Variants in FRYL observed in about 807,000 individuals in gnomAD.
FRYL encodes protein furry homolog-like.
FRYL carries 150 observed loss-of-function variants against 351.2 expected under a neutral mutation model. The observed-to-expected ratio is 0.43, with a 90% CI of 0.37 to 0.49. The LOEUF is 0.49. Ranked by LOEUF, FRYL falls within the 20% of genes least tolerant of loss-of-function variation. FRYL has a pLI of 0.00. For synonymous variants in FRYL, 1,153 were observed against 1,257.1 expected (o/e 0.92, Z 1.75); for missense variants, 3,036 against 3,619.3 (o/e 0.84, Z 4.13).
At position 48,620,792 on chromosome 4, in the gene FRYL, A is replaced by G; in HGVS notation, c.175-14T>C. ...AGAGCTTATCAACTGAAAACACAAG[A>G]TATTACCAGAAAATAAATTGTAACA... On this transcript the variant is annotated splice_polypyrimidine_tract_variant and intron_variant, in intron 5 of 63. Transcript: ENST00000358350. 2 of 1,603,428 alleles carry G rather than the reference A, an allele frequency of 1.2e-6. No individual in the cohort carries two copies. The highest frequency in any genetic ancestry group is 2.2e-5 in the East Asian group (1 of 44,650).
chr4:48,510,208 G>A, intron 58 of FRYL, 51 bp from the exon 59 acceptor site: 1 of 1,336,054 alleles, frequency 7.5e-7, no homozygotes. Context: ...TTGAAATCAT[G>A]AGACTCACAA....
intron 56 of FRYL, 33 bp downstream of exon 56, chr4:48,514,995 C>T: frequency 1.3e-6 from 2 of 1,579,828 alleles, no homozygotes; most frequent in South Asian, 2.3e-5. Context: ...AGATTATCCC[C>T]TCACTACAGT....
Position 48,578,130 on chromosome 4 carries a change from A to C in FRYL, c.2528+843T>G, listed in dbSNP as rs532893365. 7.2e-5 allele frequency among the ~76,000 whole-genome samples: 11 copies of C among 152,234 alleles called. No individual in the cohort carries two copies. In the South Asian group the frequency reaches 1.9e-3, roughly 26 times the overall value. ...AAAGGTATCCTACGCTCATGTGAAC[A>C]AAAGCTCACAAAATGGAAACTATCA... On this transcript the variant is annotated intron_variant, in intron 23 of 63. Coordinates refer to ENST00000358350, the MANE Select transcript of FRYL (RefSeq NM_015030.2).
At chr4:48,777,145 T>A (rs1233587203) in intron 1 of FRYL, among the ~76,000 whole-genome samples, 6 of 152,234 alleles carry the variant, frequency 3.9e-5, no homozygotes. Flanking sequence ...ACCCTTTAAA[T>A]AAAAGTATAC....
intron 28 of FRYL, among the ~76,000 whole-genome samples, chr4:48,566,853 G>A (rs1736916512): frequency 6.6e-6 from 1 of 152,042 alleles, no homozygotes; most frequent in Non-Finnish European, 1.5e-5. Flanking sequence ...CAGTAACACG[G>A]TATCCTTGTT....
At chr4:48,726,874 G>A (rs1373138937) in intron 1 of FRYL, among the ~76,000 whole-genome samples, 1 of 152,112 alleles carries the variant, frequency 6.6e-6, no homozygotes, top group Non-Finnish European at 1.5e-5. Context: ...ACTGATAATT[G>A]GAGGATTCTT....
rs550206714 is a variant in FRYL, at chr4:48,648,487, A to G, written c.-80-13997T>C. On this transcript the variant is annotated intron_variant, in intron 3 of 63. Transcript: ENST00000358350. Reference sequence around the variant, plus strand: ...ACTATTTCTTCCTTCAGATCTTCCTAAAGTATCACTTGATCAGGGAAGCCT... The same window carrying G: ...ACTATTTCTTCCTTCAGATCTTCCTGAAGTATCACTTGATCAGGGAAGCCT... Among the ~76,000 whole-genome samples, 51 of 152,234 alleles carry G rather than the reference A, an allele frequency of 3.4e-4. 1 individual carries two copies. In the South Asian group the frequency reaches 8.7e-3, roughly 26 times the overall value.
chr4:48,576,034 G>C lies in FRYL; in HGVS notation c.2717C>G (p.Ser906Cys). The C allele has an allele frequency of 6.3e-7, 1 of 1,590,476 alleles. No homozygotes were observed. The highest frequency in any genetic ancestry group is 1.1e-5 in the South Asian group (1 of 87,054). Reference sequence around the variant, plus strand: ...CAGTGGATCTGAGAAACTTACTTTAGAATCAATGCTATAGCCGCTATCTGG... The same window carrying C: ...CAGTGGATCTGAGAAACTTACTTTACAATCAATGCTATAGCCGCTATCTGG... ...STPDSGYSID[S>C]KIIGIPSPSS... is the part of the protein sequence containing the mutation. The change falls in exon 24 of 64, where the codon TCT (serine) becomes TGT (cysteine). Residue 906 changes from serine to cysteine, a missense_variant. Physicochemically the swap from Ser to Cys is moderately radical, Grantham distance 112. This residue lies in a region of FRYL where 492 missense variants were observed against 551.5 expected (regional missense o/e 0.89). Coordinates refer to ENST00000358350, the MANE Select transcript of FRYL (RefSeq NM_015030.2).
At chr4:48,614,367 A>G (rs544240851) in intron 7 of FRYL, among the ~76,000 whole-genome samples, 1 of 152,312 alleles carries the variant, frequency 6.6e-6, no homozygotes, top group African/African-American at 2.4e-5. Flanking sequence ...AGATCTTGCC[A>G]TCGGTGTGAT....
At chr4:48,504,207 T>C (rs1403438395) in intron 60 of FRYL, among the ~76,000 whole-genome samples, 1 of 152,122 alleles carries the variant, frequency 6.6e-6, no homozygotes, top group African/African-American at 2.4e-5. Flanking sequence ...TGACTGCTTA[T>C]TATGCAAAAG....
intron 59 of FRYL, among the ~76,000 whole-genome samples, chr4:48,509,532 CT>C: frequency 6.6e-6 from 1 of 152,112 alleles, no homozygotes; most frequent in Non-Finnish European, 1.5e-5. Flanking sequence ...ATTTTTTGTT[CT>C]TCTGTCCCTC....
chr4:48,695,184 C>A (rs1766038188), intron 2 of FRYL, among the ~76,000 whole-genome samples: 1 of 152,156 alleles, frequency 6.6e-6, no homozygotes, highest in African/African-American at 2.4e-5. Flanking sequence ...AAGATAACCT[C>A]CAGAGTTTCT....
In FRYL at chr4:48,550,568, T is replaced by C. The variant is rs770533301; in HGVS notation, c.4633+24A>G. 1.2e-5 allele frequency: 17 copies of C among 1,369,726 alleles called. No homozygotes were observed. In the South Asian group the frequency reaches 1.9e-4, roughly 15 times the overall value. 84.8% of individuals were successfully genotyped at this position (1,369,726 alleles called of 1,614,324 possible). A position where few individuals can be genotyped will look rare whatever the true frequency, so the allele number is the denominator to read the frequency against. ...AATACACCTCACCCTTATAGTTATA[T>C]TAAAAACATTTGGAATTTATTACTT... On this transcript the variant is annotated intron_variant, in intron 38 of 63. Transcript: ENST00000358350.
intron 48 of FRYL, 43 bp downstream of exon 48, chr4:48,535,614 C>CATAT: frequency 3.1e-6 from 3 of 981,694 alleles, no homozygotes; most frequent in Non-Finnish European, 4.4e-6. Context: ...CACACACACA[C>CATAT]ATATATATAT....
intron 1 of FRYL, among the ~76,000 whole-genome samples, chr4:48,744,038 C>A (rs913599471): frequency 5.9e-5 from 9 of 152,282 alleles, no homozygotes; most frequent in African/African-American, 2.2e-4. Flanking sequence ...CCTAACACAA[C>A]CTATGTGAGC....
In FRYL at chr4:48,547,691, T is replaced by C. The variant is rs1731655746; in HGVS notation, c.4967A>G (p.Asn1656Ser). 9 of 1,605,844 alleles carry C rather than the reference T, an allele frequency of 5.6e-6. No individual in the cohort carries two copies. The East Asian group carries it at 1.3e-4, about 24-fold the overall frequency. ...AGAAGCAACAGTTCGGATGTTACTA[T>C]TGGGTCCCATTACTATTAATAAGTG... is the stretch of plus-strand genomic sequence containing the variant. Reference protein sequence around the residue: ...LLHLLIVMGPNSNIRTVASVL... With the variant: ...LLHLLIVMGPSSNIRTVASVL... Residue 1656 changes from asparagine to serine, a missense_variant, in exon 41 of 64, where the codon AAT becomes AGT. By Grantham distance (46) the Asn-to-Ser change is conservative. Coordinates refer to ENST00000358350, the MANE Select transcript of FRYL (RefSeq NM_015030.2).
chr4:48,553,418 C>A, intron 35 of FRYL, 35 bp from the exon 36 acceptor site: 1 of 1,532,864 alleles, frequency 6.5e-7, no homozygotes, highest in Non-Finnish European at 8.9e-7. Flanking sequence ...AAAGAAAAAG[C>A]AAAGTTTTTA....
At chr4:48,614,124 G>C (rs919282448) in intron 7 of FRYL, among the ~76,000 whole-genome samples, 1 of 151,924 alleles carries the variant, frequency 6.6e-6, no homozygotes, top group Non-Finnish European at 1.5e-5. Flanking sequence ...GACAGAGTTC[G>C]AGGTGTGATA....
intron 53 of FRYL, chr4:48,523,384 G>A: frequency 3.2e-6 from 1 of 308,188 alleles, no homozygotes; most frequent in Non-Finnish European, 6.1e-6. Flanking sequence ...TACTATCTAA[G>A]CCATTTCTAT....
Sources: gnomAD v4.1 joint callset for allele counts (sites outside exome capture counted in the v4.1 genomes callset) on GRCh38, gnomAD v4.1.1 for gene constraint, gnomAD v4.1.1 regional missense constraint, MANE v1.5 for transcripts, NCBI Gene and HGNC (gene_info 2026-07-23, HGNC 2026-07-21) for gene names.